The following TRAPPC12 variants were observed in gnomAD, a reference collection of about 807,000 sequenced individuals.
TRAPPC12 encodes the protein TPR repeat protein 15.
In TRAPPC12, 61 loss-of-function variants were observed where a neutral mutation model predicts 69.2. The observed-to-expected ratio is 0.88, with a 90% CI of 0.72 to 1.09. The LOEUF (loss-of-function observed/expected upper bound fraction) is 1.09. TRAPPC12 is among the 50% of genes least tolerant of loss of function. The pLI is 0.00. For missense variants in TRAPPC12, 1,101 were observed against 1,016.4 expected, an observed-to-expected ratio of 1.08 and a Z score of -1.13; for synonymous variants, 469 against 438.9, an observed-to-expected ratio of 1.07 and a Z score of -0.86.
At chr2:3,428,822 G>T (rs1663265550) in intron 5 of TRAPPC12, among the ~76,000 whole-genome samples, 1 of 152,222 alleles carries the variant, frequency 6.6e-6, no homozygotes, top group South Asian at 2.1e-4. Context: ...GCTGAGGTCT[G>T]TGCGGTTCTG....
intron 1 of TRAPPC12, among the ~76,000 whole-genome samples, chr2:3,383,114 G>C (rs1422192509): frequency 6.6e-6 from 1 of 151,946 alleles, no homozygotes; most frequent in Non-Finnish European, 1.5e-5. Context: ...CAGCTCTGTT[G>C]CTTATTTTTC....
rs1660575879 is a variant in TRAPPC12 at position 3,387,920 on chromosome 2, C to A, written c.297C>A (p.Asp99Glu). The A allele has an allele frequency of 2.6e-6, 4 of 1,528,634 alleles. 1 individual carries two copies. The highest frequency in any genetic ancestry group is 1.8e-6 in the Non-Finnish European group (2 of 1,138,008). 94.7% of individuals were successfully genotyped at this position (1,528,634 alleles called of 1,614,324 possible). ...RDEAEPGGEG[D>E]PGPEPAGTPS... is the part of the protein sequence containing the mutation. ...AAGCTGAGCCCGGAGGGGAAGGCGA[C>A]CCAGGCCCGGAGCCCGCGGGCACCC... Residue 99 changes from aspartate to glutamate, a missense_variant, in exon 2 of 12, where the codon GAC becomes GAA. By Grantham distance (45) the Asp-to-Glu change is conservative. Coordinates refer to ENST00000324266, the MANE Select transcript of TRAPPC12 (RefSeq NM_016030.6).
At position 3,462,224 on chromosome 2, in the gene TRAPPC12, ACAC is replaced by A. The variant is rs562660891; in HGVS notation, c.1677+1897_1677+1899del. Among the ~76,000 whole-genome samples the A allele has an allele frequency of 7.2e-4, 109 of 152,330 alleles. 2 individuals carry two copies. In the South Asian group the frequency reaches 0.022, roughly 31 times the overall value. ...TTTTCTTTGTGGCACTGTGGTAGTA[ACAC>A]CACCACCAGGCTCCGAATGTGAGTC... On this transcript the variant is annotated intron_variant, in intron 8 of 11. Transcript: ENST00000324266.
chr2:3,386,542 A>G (rs561861728), intron 1 of TRAPPC12, among the ~76,000 whole-genome samples: 2 of 152,342 alleles, frequency 1.3e-5, no homozygotes, highest in African/African-American at 4.8e-5. Context: ...ATATGTATAT[A>G]TAGCCAGGGG....
intron 2 of TRAPPC12, among the ~76,000 whole-genome samples, chr2:3,391,461 T>G (rs1660821276): frequency 6.6e-6 from 1 of 152,204 alleles, no homozygotes; most frequent in Non-Finnish European, 1.5e-5. Flanking sequence ...GCCAATTAAT[T>G]TTTTCAGATA....
At position 3,388,801 on chromosome 2, in the gene TRAPPC12, G is replaced by A. The variant is rs1660659307; in HGVS notation, c.1047+131G>A. The A allele has an allele frequency of 6.3e-6, 6 of 953,262 alleles. No individual in the cohort carries two copies. In the Middle Eastern group the frequency reaches 6.5e-4, roughly 104 times the overall value. 59.1% of individuals were successfully genotyped at this position (953,262 alleles called of 1,614,324 possible). ...TAATTCCTAACATCCCATTGTGAGC[G>A]CCTGTGTTCCTCTGTCCCTGGGTAA... On this transcript the variant is annotated intron_variant, in intron 2 of 11. Coordinates refer to ENST00000324266, the MANE Select transcript of TRAPPC12 (RefSeq NM_016030.6).
chr2:3,388,094 C>G lies in TRAPPC12; in HGVS notation c.471C>G (p.Val157=), dbSNP rs1313356182. Residue 157 remains valine, a synonymous_variant, in exon 2 of 12, where the codon GTC becomes GTG. Transcript: ENST00000324266. ...AGGAGCCTCCCGTTGCGGAGCCGGTCCCGGTGTGCACCATCTTCAGCCAGC... is the reference window on the plus strand; with the variant it reads ...AGGAGCCTCCCGTTGCGGAGCCGGTGCCGGTGTGCACCATCTTCAGCCAGC... The part of the protein sequence containing the change: ...PEQEPPVAEP[V]PVCTIFSQRA... 2.6e-6 allele frequency: 4 copies of G among 1,550,728 alleles called. No individual in the cohort carries two copies. Among genetic ancestry groups the G allele is most frequent in the African/African-American group, 2.8e-5 (2 of 72,212 alleles).
At chr2:3,380,742 C>CTG (rs1660169484) in intron 1 of TRAPPC12, among the ~76,000 whole-genome samples, 1 of 152,224 alleles carries the variant, frequency 6.6e-6, no homozygotes, top group South Asian at 2.1e-4. Flanking sequence ...ATGGGATCTT[C>CTG]TTCACAGTTA....
chr2:3,433,742 G>C (rs908343590), intron 5 of TRAPPC12, among the ~76,000 whole-genome samples: 1 of 152,196 alleles, frequency 6.6e-6, no homozygotes. Flanking sequence ...TTCATTTAAT[G>C]TTTTCTAAAT....
chr2:3,388,542 A>C lies in TRAPPC12; in HGVS notation c.919A>C (p.Asn307His), dbSNP rs747381621. The C allele has an allele frequency of 6.2e-7, 1 of 1,613,036 alleles. No homozygotes were observed. Among genetic ancestry groups the C allele is most frequent in the Non-Finnish European group, 8.5e-7 (1 of 1,179,736 alleles). ...ALSMSEMDRR[N>H]DAWLPGEATR... Reference sequence around the variant, plus strand: ...GAGCATGAGCGAGATGGACCGGAGGAACGACGCCTGGCTTCCCGGCGAGGC... The same window carrying C: ...GAGCATGAGCGAGATGGACCGGAGGCACGACGCCTGGCTTCCCGGCGAGGC... The change falls in exon 2 of 12, where the codon AAC (asparagine) becomes CAC (histidine). Residue 307 changes from asparagine to histidine, a missense_variant. Coordinates refer to ENST00000324266, the MANE Select transcript of TRAPPC12 (RefSeq NM_016030.6).
intron 5 of TRAPPC12, among the ~76,000 whole-genome samples, chr2:3,437,208 T>A (rs1161256434): frequency 6.5e-5 from 1 of 15,364 alleles, no homozygotes; most frequent in Non-Finnish European, 1.3e-4. Flanking sequence ...CAATCACCCC[T>A]GGATTAATCC....
chr2:3,400,025 C>T (rs1314914089), intron 2 of TRAPPC12, among the ~76,000 whole-genome samples: 1 of 152,180 alleles, frequency 6.6e-6, no homozygotes, highest in African/African-American at 2.4e-5. Context: ...TTTCTCCACC[C>T]CCCATCTTGG....
intron 6 of TRAPPC12, chr2:3,449,596 T>C (rs762887047): frequency 1.3e-5 from 2 of 152,236 alleles, no homozygotes; most frequent in African/African-American, 2.4e-5. Context: ...TAGGAAGAGT[T>C]AATATCTTTT....
At chr2:3,390,441 A>T (rs1322482887) in intron 2 of TRAPPC12, among the ~76,000 whole-genome samples, 2 of 152,196 alleles carry the variant, frequency 1.3e-5, no homozygotes, top group African/African-American at 4.8e-5. Context: ...AGCTGTTGAG[A>T]TGTCTATCAG....
chr2:3,472,816 C>G (rs1236054091), intron 9 of TRAPPC12, among the ~76,000 whole-genome samples: 2 of 152,156 alleles, frequency 1.3e-5, no homozygotes, highest in Non-Finnish European at 2.9e-5. Flanking sequence ...CTGGACTCAA[C>G]TCTGACTTCA....
At chr2:3,463,209 C>T (rs1311605402) in intron 8 of TRAPPC12, 2 of 291,588 alleles carry the variant, frequency 6.9e-6, no homozygotes, top group South Asian at 2.7e-5. Context: ...ATTAAGTAAC[C>T]GTCAACCTAA....
chr2:3,422,186 G>A (rs540880855), intron 4 of TRAPPC12, among the ~76,000 whole-genome samples, 192 bp downstream of exon 4: 2 of 152,278 alleles, frequency 1.3e-5, no homozygotes, highest in East Asian at 1.9e-4. Context: ...ATGCCTGTGC[G>A]CCCCAGAAGC....
rs754346205 is a variant in TRAPPC12 at position 3,388,190 on chromosome 2, C to G, written c.567C>G (p.Ser189Arg). 3.1e-6 allele frequency: 5 copies of G among 1,608,852 alleles called. No homozygotes were observed. Among genetic ancestry groups the G allele is most frequent in the African/African-American group, 2.7e-5 (2 of 74,342 alleles). ...MVKSPSFGGASEASARTPPQV... is the reference protein window; with the variant it reads ...MVKSPSFGGAREASARTPPQV... Reference sequence around the variant, plus strand: ...AGTCGCCCAGCTTCGGTGGCGCCAGCGAGGCCTCGGCCAGGACACCGCCCC... The same window carrying G: ...AGTCGCCCAGCTTCGGTGGCGCCAGGGAGGCCTCGGCCAGGACACCGCCCC... The change falls in exon 2 of 12, where the codon AGC (serine) becomes AGG (arginine). Residue 189 changes from serine to arginine, a missense_variant. Coordinates refer to ENST00000324266, the MANE Select transcript of TRAPPC12 (RefSeq NM_016030.6).
At chr2:3,418,045 A>AAAAAAC (rs1662533714) in intron 3 of TRAPPC12, among the ~76,000 whole-genome samples, 1 of 125,578 alleles carries the variant, frequency 8.0e-6, no homozygotes, top group African/African-American at 2.9e-5. Flanking sequence ...TCTCAAAAAA[A>AAAAAAC]AAAAAAAAAA....
Sources: allele counts gnomAD v4.1 joint callset (sites outside exome capture counted in the v4.1 genomes callset), GRCh38; gene constraint gnomAD v4.1.1; transcripts MANE v1.5; gene names NCBI Gene and HGNC (gene_info 2026-07-23, HGNC 2026-07-21).